Variants in ZNF423 observed in about 807,000 individuals in gnomAD.
The protein encoded by ZNF423 is zinc finger protein 423.
In ZNF423, 12 loss-of-function variants were observed where a neutral mutation model predicts 95.8. The ratio of observed to expected loss-of-function variants is 0.13; its 90% CI spans 0.08 to 0.20. The LOEUF is 0.20. Ranked by LOEUF, ZNF423 falls within the 10% of genes least tolerant of loss-of-function variation. The pLI, the probability that ZNF423 is intolerant of heterozygous loss-of-function variation, is 1.00. For missense variants in ZNF423, 1,316 were observed against 1,737.1 expected, an observed-to-expected ratio of 0.76 and a Z score of 4.31; for synonymous variants, 749 against 711.9, an observed-to-expected ratio of 1.05 and a Z score of -0.83.
intron 1 of ZNF423, among the ~76,000 whole-genome samples, chr16:49,797,198 T>C (rs946499162): frequency 2.0e-5 from 3 of 152,154 alleles, no homozygotes; most frequent in Non-Finnish European, 4.4e-5. Context: ...TCACTGCTTC[T>C]GACTTACTAC....
chr16:49,588,029 T>C (rs1207013998), intron 5 of ZNF423, among the ~76,000 whole-genome samples: 2 of 152,192 alleles, frequency 1.3e-5, no homozygotes, highest in African/African-American at 2.4e-5. Context: ...TCCCATCAGA[T>C]TGGATATTCC....
At chr16:49,747,955 T>C (rs1378446462) in intron 2 of ZNF423, among the ~76,000 whole-genome samples, 2 of 152,222 alleles carry the variant, frequency 1.3e-5, no homozygotes, top group Non-Finnish European at 2.9e-5. Flanking sequence ...CTTGAATAAA[T>C]GGTACTGAGG....
intron 3 of ZNF423, among the ~76,000 whole-genome samples, chr16:49,677,302 A>AGAAGAGAAGGGAAGGGAAGG (rs2031129609): frequency 2.7e-5 from 2 of 75,074 alleles, no homozygotes; most frequent in Admixed American, 1.5e-4. Context: ...AGAAGAGAAG[A>AGAAGAGAAGGGAAGGGAAGG]GAAGAGAAAG....
chr16:49,677,292 A>AGAAGGGAAGGGAAGGGAAGG (rs2031125070), intron 3 of ZNF423, among the ~76,000 whole-genome samples: 5 of 81,120 alleles, frequency 6.2e-5, no homozygotes, highest in Non-Finnish European at 1.0e-4. Context: ...AGAAGAGAAG[A>AGAAGGGAAGGGAAGGGAAGG]GAAGAGAAGA....
At chr16:49,795,108 G>T (rs1201281982) in intron 1 of ZNF423, among the ~76,000 whole-genome samples, 1 of 152,158 alleles carries the variant, frequency 6.6e-6, no homozygotes, top group Non-Finnish European at 1.5e-5. Flanking sequence ...CTGACCTCAG[G>T]TTATCCACCT....
At chr16:49,821,957 C>T (rs2047616929) in intron 1 of ZNF423, among the ~76,000 whole-genome samples, 1 of 152,142 alleles carries the variant, frequency 6.6e-6, no homozygotes, top group Admixed American at 6.5e-5. Context: ...GTTGGGTCTT[C>T]CTCTCTCTCC....
intron 3 of ZNF423, among the ~76,000 whole-genome samples, chr16:49,663,479 G>C (rs1458506595): frequency 6.6e-6 from 1 of 152,016 alleles, no homozygotes; most frequent in East Asian, 1.9e-4. Flanking sequence ...ATGTCCCCTT[G>C]GCATGCCGCC....
rs1368676947 is a variant in ZNF423, at chr16:49,762,519, A to G, written c.100+26968T>C. 3.9e-5 allele frequency among the ~76,000 whole-genome samples: 6 copies of G among 152,336 alleles called. No homozygotes were observed. In the East Asian group the frequency reaches 1.2e-3, roughly 29 times the overall value. ...ATGTCTGTGTCTAGACAAGAGGACT[A>G]ATGTTCATGAGGTCAAGCAATTTGA... On this transcript the variant is annotated intron_variant, in intron 2 of 7. Coordinates refer to ENST00000563137, the MANE Select transcript of ZNF423 (RefSeq NM_001379286.1).
At chr16:49,554,184 A>T (rs1969744741) in intron 5 of ZNF423, among the ~76,000 whole-genome samples, 1 of 152,194 alleles carries the variant, frequency 6.6e-6, no homozygotes, top group Non-Finnish European at 1.5e-5. Context: ...ACCTGAGGCC[A>T]CAGCTCCAAC....
intron 3 of ZNF423, among the ~76,000 whole-genome samples, chr16:49,643,970 C>T (rs976800421): frequency 6.6e-6 from 1 of 152,252 alleles, no homozygotes; most frequent in African/African-American, 2.4e-5. Flanking sequence ...ATGAATTCAG[C>T]AGGCTGATGC....
intron 3 of ZNF423, among the ~76,000 whole-genome samples, chr16:49,712,085 C>G (rs374809514): frequency 6.6e-6 from 1 of 152,174 alleles, no homozygotes; most frequent in East Asian, 1.9e-4. Context: ...CCACTGTACT[C>G]CAGCCTGGGC....
intron 1 of ZNF423, among the ~76,000 whole-genome samples, chr16:49,849,667 A>AG (rs1435320474): frequency 6.6e-6 from 1 of 152,072 alleles, no homozygotes; most frequent in Admixed American, 6.5e-5. Context: ...GGCAAGAGGG[A>AG]GGGGAGGTAA....
chr16:49,729,350 A>G (rs2033104255), intron 3 of ZNF423, among the ~76,000 whole-genome samples: 1 of 152,186 alleles, frequency 6.6e-6, no homozygotes, highest in African/African-American at 2.4e-5. Context: ...TTATTCCTCA[A>G]GTAGGATGAG....
At position 49,822,037 on chromosome 16, in the gene ZNF423, TAAG is replaced by T. The variant is rs1429299613; in HGVS notation, c.41-32494_41-32492del. The stretch of plus-strand genomic sequence containing the variant: ...AAGAGCTGGGAAAGCCGAAGATGAG[TAAG>T]AAGAAACACTCCAGCAGTCCCTGGT... On this transcript the variant is annotated intron_variant, in intron 1 of 7. Transcript: ENST00000563137. Among the ~76,000 whole-genome samples the T allele has an allele frequency of 1.4e-4, 21 of 152,050 alleles. No individual in the cohort carries two copies. In the East Asian group the frequency reaches 4.1e-3, roughly 29 times the overall value.
At chr16:49,684,853 G>A (rs2031501063) in intron 3 of ZNF423, among the ~76,000 whole-genome samples, 1 of 152,176 alleles carries the variant, frequency 6.6e-6, no homozygotes, top group African/African-American at 2.4e-5. Flanking sequence ...GCCCTGACAC[G>A]CGGCCAGCTG....
chr16:49,724,602 A>T (rs796114378), intron 3 of ZNF423, among the ~76,000 whole-genome samples: 13 of 152,356 alleles, frequency 8.5e-5, no homozygotes, highest in African/African-American at 3.1e-4. Flanking sequence ...CAGCACAAAA[A>T]GGCAAGCGCT....
At chr16:49,752,431 C>A (rs76416701) in intron 2 of ZNF423, among the ~76,000 whole-genome samples, 16 of 152,342 alleles carry the variant, frequency 1.1e-4, no homozygotes, top group Middle Eastern at 3.4e-3. Flanking sequence ...TCTGGGGGAG[C>A]AAGGCTGGTC....
chr16:49,723,340 GATC>G (rs1373360585), intron 3 of ZNF423, among the ~76,000 whole-genome samples: 5 of 152,318 alleles, frequency 3.3e-5, no homozygotes, highest in Admixed American at 3.3e-4. Context: ...GGCACCAATG[GATC>G]AGAGACGGTA....
intron 5 of ZNF423, among the ~76,000 whole-genome samples, chr16:49,587,739 G>A (rs774623504): frequency 3.9e-5 from 6 of 152,098 alleles, no homozygotes; most frequent in South Asian, 4.2e-4. Flanking sequence ...AGGAGTCACC[G>A]GTGACTCTAG....
Sources: allele counts gnomAD v4.1 joint callset (sites outside exome capture counted in the v4.1 genomes callset), GRCh38; gene constraint gnomAD v4.1.1; transcripts MANE v1.5; gene names NCBI Gene and HGNC (gene_info 2026-07-23, HGNC 2026-07-21).